The following RDM1 variants were observed in gnomAD, a reference collection of about 807,000 sequenced individuals.
The protein encoded by RDM1 is RAD52 motif containing 1, also known as RAD52 motif-containing protein 1.
In RDM1, 28 loss-of-function variants were observed where a neutral mutation model predicts 27.7. The ratio of observed to expected loss-of-function variants is 1.01; its 90% confidence interval spans 0.75 to 1.39. RDM1 has a LOEUF of 1.39. Ranked by LOEUF, RDM1 falls within the 40% of genes most tolerant of loss-of-function variation. RDM1 has a pLI of 0.00. For missense variants in RDM1, 277 were observed against 337.3 expected, an observed-to-expected ratio of 0.82 and a Z score of 1.40; for synonymous variants, 124 against 127.5, an observed-to-expected ratio of 0.97 and a Z score of 0.19.
Position 35,921,980 on chromosome 17 carries a change from G to A in RDM1, c.667+597C>T, listed in dbSNP as rs373223137. On this transcript the variant is annotated intron_variant, in intron 5 of 6. Transcript: ENST00000620284. ...CTGTCACCCAGGCTGGAGAGCAGTG[G>A]CACGATCTTGGCTCACTGTAAGCTC... is the stretch of plus-strand genomic sequence containing the variant. Among the ~76,000 whole-genome samples, 1,230 of 149,492 alleles carry A rather than the reference G, an allele frequency of 8.2e-3. 16 individuals carry two copies. Among genetic ancestry groups the A allele is most frequent in the African/African-American group, 0.029 (1,174 of 40,398 alleles).
rs539772102 is a variant in RDM1 at position 35,930,745 on chromosome 17, T to C, written c.-18A>G. 2 of 1,610,806 alleles carry C rather than the reference T, an allele frequency of 1.2e-6. No individual in the cohort carries two copies. Among genetic ancestry groups the C allele is most frequent in the Admixed American group, 1.7e-5 (1 of 59,614 alleles). The stretch of plus-strand genomic sequence containing the variant: ...TCCGCCATCCTCCCTTCACCGCACC[T>C]GCGCGGCTAACCCTCGCCCCAGCAT... On this transcript the variant is annotated 5_prime_UTR_variant, in exon 1 of 7. Transcript: ENST00000620284.
chr17:35,929,373 A>C (rs1244726357), intron 2 of RDM1, among the ~76,000 whole-genome samples: 1 of 152,108 alleles, frequency 6.6e-6, no homozygotes, highest in Non-Finnish European at 1.5e-5. Context: ...CGATCCTCCC[A>C]CCTCAGTCTC....
intron 4 of RDM1, among the ~76,000 whole-genome samples, chr17:35,924,237 G>T (rs114338619): frequency 0.017 from 2,583 of 151,650 alleles, 72 homozygotes; most frequent in African/African-American, 0.058. Flanking sequence ...ATAATAAATA[G>T]ATAAAAAAAA....
At chr17:35,920,011 G>A (rs541360330) in intron 6 of RDM1, among the ~76,000 whole-genome samples, 176 bp downstream of exon 6, 6 of 152,184 alleles carry the variant, frequency 3.9e-5, no homozygotes, top group Admixed American at 2.0e-4. Flanking sequence ...TCAAATAAGC[G>A]GTCAGAGCCA....
intron 2 of RDM1, among the ~76,000 whole-genome samples, chr17:35,928,443 A>C (rs2089222437): frequency 6.6e-6 from 1 of 152,176 alleles, no homozygotes; most frequent in Admixed American, 6.5e-5. Flanking sequence ...ACCTGGTCAC[A>C]CCCACACATT....
chr17:35,923,182 C>G (rs1598667031), intron 4 of RDM1, among the ~76,000 whole-genome samples: 1 of 152,106 alleles, frequency 6.6e-6, no homozygotes, highest in African/African-American at 2.4e-5. Flanking sequence ...GAAACCCTGT[C>G]TCTACTAAAA....
chr17:35,918,093 C>T lies in RDM1; in HGVS notation c.*249G>A. Reference sequence around the variant, plus strand: ...ATTTACCATATCTTTATCTAGGCAACCTTTATTAAGTTCCGTTCGAGATCC... The same window carrying T: ...ATTTACCATATCTTTATCTAGGCAATCTTTATTAAGTTCCGTTCGAGATCC... On this transcript the variant is annotated 3_prime_UTR_variant, in exon 7 of 7. Coordinates refer to ENST00000620284, the MANE Select transcript of RDM1 (RefSeq NM_145654.4). 1.8e-6 allele frequency: 1 copy of T among 569,534 alleles called. No individual in the cohort carries two copies. The allele number at this position is 569,534 out of a possible 1,614,324, so 35.3% of individuals were successfully genotyped here.
Position 35,918,226 on chromosome 17 carries a change from C to G in RDM1, c.*116G>C, listed in dbSNP as rs1425555484. The G allele has an allele frequency of 1.2e-6, 1 of 825,074 alleles. No homozygotes were observed. Among genetic ancestry groups the G allele is most frequent in the East Asian group, 2.6e-5 (1 of 39,112 alleles). 51.1% of individuals were successfully genotyped at this position (825,074 alleles called of 1,614,324 possible). ...CTTCGCCAGGAAAGATTTGGGCGGCCGACCCAGGTGGTTCCAGGACTCCAG... is the reference window on the plus strand; with the variant it reads ...CTTCGCCAGGAAAGATTTGGGCGGCGGACCCAGGTGGTTCCAGGACTCCAG... On this transcript the variant is annotated 3_prime_UTR_variant, in exon 7 of 7. Coordinates refer to ENST00000620284, the MANE Select transcript of RDM1 (RefSeq NM_145654.4).
Position 35,930,217 on chromosome 17 carries a change from C to T in RDM1, c.135G>A (p.Leu45=), listed in dbSNP as rs1162302763. The change falls in exon 2 of 7, where the codon CTG becomes CTA. Residue 45 remains leucine (L), a synonymous_variant. Transcript: ENST00000620284. The part of the protein sequence containing the change: ...LFTAFSQFGL[L]YSVRVFPNAA... ...CATTTGGGAAGACCCGGACTGAATA[C>T]AGAAGGCCAAACTGAGAAAATGCTG... 1.2e-6 allele frequency: 2 copies of T among 1,614,124 alleles called. No homozygotes were observed. Among genetic ancestry groups the T allele is most frequent in the Non-Finnish European group, 1.7e-6 (2 of 1,180,036 alleles).
At chr17:35,921,373 T>TA (rs2088938432) in intron 5 of RDM1, among the ~76,000 whole-genome samples, 1 of 152,228 alleles carries the variant, frequency 6.6e-6, no homozygotes, top group South Asian at 2.1e-4. Context: ...AGGTCTGTGG[T>TA]AACTTAATTA....
intron 2 of RDM1, among the ~76,000 whole-genome samples, chr17:35,925,930 C>T (rs373371513): frequency 7.9e-5 from 12 of 152,088 alleles, no homozygotes; most frequent in African/African-American, 1.4e-4. Context: ...GTCAGGATAT[C>T]GAGACCATCC....
chr17:35,925,149 A>G (rs886944195), intron 3 of RDM1, among the ~76,000 whole-genome samples: 1 of 152,174 alleles, frequency 6.6e-6, no homozygotes, highest in Admixed American at 6.5e-5. Flanking sequence ...AAAACAAAAC[A>G]AAACAAAAAC....
rs185553327 is a variant in RDM1, at chr17:35,928,427, C to T, written c.276+1649G>A. Reference sequence around the variant, plus strand: ...ACAGTCTCCTTTATGTAACAGCTGGCAGAAGACCTGGTCACACCCACACAT... The same window carrying T: ...ACAGTCTCCTTTATGTAACAGCTGGTAGAAGACCTGGTCACACCCACACAT... On this transcript the variant is annotated intron_variant, in intron 2 of 6. Coordinates refer to ENST00000620284, the MANE Select transcript of RDM1 (RefSeq NM_145654.4). Among the ~76,000 whole-genome samples, 339 of 152,254 alleles carry T rather than the reference C, an allele frequency of 2.2e-3. 1 individual carries two copies. The highest frequency in any genetic ancestry group is 6.0e-3 in the Admixed American group (91 of 15,286).
chr17:35,918,187 A>AGATTTGGG lies in RDM1; in HGVS notation c.*154_*155insCCCAAATC, dbSNP rs1376992699. 6.3e-6 allele frequency: 4 copies of AGATTTGGG among 634,744 alleles called. No homozygotes were observed. The highest frequency in any genetic ancestry group is 1.1e-5 in the Non-Finnish European group (4 of 354,954). 39.3% of individuals were successfully genotyped at this position (634,744 alleles called of 1,614,324 possible). ...GCCTCCCTTCCCACTCCACCAGAAC[A>AGATTTGGG]CCCCTTCCCTCCCCTTCGCCAGGAA... On this transcript the variant is annotated 3_prime_UTR_variant, in exon 7 of 7. Coordinates refer to ENST00000620284, the MANE Select transcript of RDM1 (RefSeq NM_145654.4).
At position 35,918,414 on chromosome 17, in the gene RDM1, G is replaced by A; in HGVS notation, c.783C>T (p.Gly261=). Residue 261 remains glycine (G), a synonymous_variant, in exon 7 of 7, where the codon GGC becomes GGT. Transcript: ENST00000620284. ...QVPCSPWKQY[G]QEEEGYLSDF... is the part of the protein sequence containing the mutation. ...CCGAGAGATACCCTTCCTCCTCTTG[G>A]CCATACTGCTTCCAGGGAGAGCAAG... 1 of 1,614,076 alleles carries A rather than the reference G, an allele frequency of 6.2e-7. No homozygotes were observed. The highest frequency in any genetic ancestry group is 8.5e-7 in the Non-Finnish European group (1 of 1,180,014).
chr17:35,924,033 G>GA (rs2089046181), intron 4 of RDM1, among the ~76,000 whole-genome samples: 1 of 151,912 alleles, frequency 6.6e-6, no homozygotes, highest in Admixed American at 6.6e-5. Flanking sequence ...GGACAACACA[G>GA]AAAGACCCCA....
At chr17:35,923,608 A>G (rs1187747550) in intron 4 of RDM1, among the ~76,000 whole-genome samples, 1 of 151,930 alleles carries the variant, frequency 6.6e-6, no homozygotes, top group Admixed American at 6.6e-5. Context: ...GGTTGCTGTG[A>G]GCCGAGATCA....
Position 35,922,685 on chromosome 17 carries a change from A to G in RDM1, c.569-10T>C. 5.7e-6 allele frequency: 9 copies of G among 1,581,636 alleles called. No homozygotes were observed. The highest frequency in any genetic ancestry group is 1.4e-5 in the African/African-American group (1 of 73,348). ...AGGAATGATAATGGTCCTAAATCCA[A>G]CCAAAACAAATGGATTTAAGGTGCC... On this transcript the variant is annotated splice_polypyrimidine_tract_variant and intron_variant, in intron 4 of 6. Transcript: ENST00000620284.
At chr17:35,929,364 G>A (rs1427030598) in intron 2 of RDM1, among the ~76,000 whole-genome samples, 1 of 152,154 alleles carries the variant, frequency 6.6e-6, no homozygotes, top group Non-Finnish European at 1.5e-5. Flanking sequence ...GGGCTCAAGC[G>A]ATCCTCCCAC....
Sources: allele counts gnomAD v4.1 joint callset (sites outside exome capture counted in the v4.1 genomes callset), GRCh38; gene constraint gnomAD v4.1.1; transcripts MANE v1.5; gene names NCBI Gene and HGNC (gene_info 2026-07-23, HGNC 2026-07-21).